The following RANBP2 variants were observed in gnomAD, a reference collection of about 807,000 sequenced individuals.
RANBP2 encodes the protein RAN binding protein 2.
A neutral mutation model predicts 303.6 loss-of-function variants in RANBP2; 57 were observed. The observed-to-expected ratio is 0.19, with a 90% CI of 0.15 to 0.23. The LOEUF (loss-of-function observed/expected upper bound fraction) is 0.23, where lower values mean the gene tolerates loss of function less well. Ranked by LOEUF, RANBP2 falls within the 10% of genes least tolerant of loss-of-function variation. The pLI is 1.00. For missense variants in RANBP2, 3,138 were observed against 3,780.8 expected (o/e 0.83, Z 4.46); for synonymous variants, 1,167 against 1,301.5 (o/e 0.90, Z 2.23).
At chr2:109,451,427 G>A in the RANBP2 span, among the ~76,000 whole-genome samples, 1 of 152,190 alleles carries the variant, frequency 6.6e-6, no homozygotes, top group Non-Finnish European at 1.5e-5. Flanking sequence ...GGCTGTAATA[G>A]TTCCTTAAGC....
At chr2:109,643,485 C>G in the RANBP2 span, among the ~76,000 whole-genome samples, 1 of 152,014 alleles carries the variant, frequency 6.6e-6, no homozygotes, top group Non-Finnish European at 1.5e-5. Flanking sequence ...AAAGGCTGGG[C>G]GCAGCGGCTC....
chr2:109,186,869 T>C, the RANBP2 span, among the ~76,000 whole-genome samples: 2 of 152,194 alleles, frequency 1.3e-5, no homozygotes, highest in South Asian at 4.1e-4. Context: ...TCATTTTCAG[T>C]AAATGTGTGA....
At chr2:109,203,533 G>A in the RANBP2 span, among the ~76,000 whole-genome samples, 1 of 152,130 alleles carries the variant, frequency 6.6e-6, no homozygotes, top group South Asian at 2.1e-4. Flanking sequence ...CTGATCCCAG[G>A]GCATGCATTT....
the RANBP2 span, among the ~76,000 whole-genome samples, chr2:109,699,036 C>A: frequency 6.6e-6 from 1 of 152,180 alleles, no homozygotes; most frequent in Admixed American, 6.5e-5. Flanking sequence ...GGCCTTTGTT[C>A]TAGAGCCACT....
chr2:109,195,828 G>T, the RANBP2 span, among the ~76,000 whole-genome samples: 11 of 152,154 alleles, frequency 7.2e-5, no homozygotes, highest in Non-Finnish European at 1.0e-4. Context: ...CTGCTGATTT[G>T]TGTCGCCTGA....
chr2:109,189,367 C>CT, the RANBP2 span, among the ~76,000 whole-genome samples: 115,652 of 147,936 alleles, frequency 0.78, 45,413 homozygotes, highest in South Asian at 0.85. Flanking sequence ...AGTCGTTTGA[C>CT]TTTTTTTTTT....
At chr2:108,977,004 G>A in the RANBP2 span, among the ~76,000 whole-genome samples, 2 of 152,144 alleles carry the variant, frequency 1.3e-5, no homozygotes, top group African/African-American at 4.8e-5. Context: ...ATGAAAAGGT[G>A]TCTGAGGGTG....
the RANBP2 span, among the ~76,000 whole-genome samples, chr2:108,917,218 C>T: frequency 4.6e-5 from 7 of 152,244 alleles, no homozygotes; most frequent in South Asian, 1.0e-3. Flanking sequence ...AAGCAACGCG[C>T]GGCTCGTGTG....
the RANBP2 span, among the ~76,000 whole-genome samples, chr2:109,063,679 T>C: frequency 6.6e-6 from 1 of 152,114 alleles, no homozygotes; most frequent in Non-Finnish European, 1.5e-5. Context: ...CCCATGCATG[T>C]GCACTACAAA....
At chr2:109,242,066 G>A in the RANBP2 span, among the ~76,000 whole-genome samples, 2 of 151,516 alleles carry the variant, frequency 1.3e-5, no homozygotes, top group Non-Finnish European at 2.9e-5. Flanking sequence ...TGGTGTAGAC[G>A]GGGGTGTCAT....
the RANBP2 span, among the ~76,000 whole-genome samples, chr2:108,855,392 C>A: frequency 6.6e-6 from 1 of 151,724 alleles, no homozygotes; most frequent in Non-Finnish European, 1.5e-5. Flanking sequence ...TAATGTGTGT[C>A]AAATACAGTA....
At chr2:109,671,238 G>A in the RANBP2 span, among the ~76,000 whole-genome samples, 1 of 151,876 alleles carries the variant, frequency 6.6e-6, no homozygotes, top group Non-Finnish European at 1.5e-5. Context: ...CTGTGAGTTG[G>A]TGGTGGTGAC....
chr2:109,088,094 C>T, the RANBP2 span, among the ~76,000 whole-genome samples: 1 of 152,088 alleles, frequency 6.6e-6, no homozygotes, highest in African/African-American at 2.4e-5. Flanking sequence ...GAAACCTCGT[C>T]TCTACTAAAA....
the RANBP2 span, among the ~76,000 whole-genome samples, chr2:109,068,875 T>A: frequency 3.1e-4 from 47 of 152,362 alleles, no homozygotes; most frequent in African/African-American, 9.6e-4. Context: ...CCAGCTATTG[T>A]CATTATGTGG....
At chr2:109,592,665 A>T in the RANBP2 span, among the ~76,000 whole-genome samples, 4 of 150,808 alleles carry the variant, frequency 2.7e-5, no homozygotes, top group Non-Finnish European at 5.9e-5. Flanking sequence ...CTGTGATCCC[A>T]GCTACTCGGG....
the RANBP2 span, chr2:108,907,810 G>A: frequency 5.0e-6 from 8 of 1,608,340 alleles, no homozygotes; most frequent in Middle Eastern, 3.3e-4. Context: ...TCTTGCGGCT[G>A]TGAGGGAGCC....
At chr2:109,420,046 G>A in the RANBP2 span, among the ~76,000 whole-genome samples, 8 of 152,292 alleles carry the variant, frequency 5.3e-5, no homozygotes, top group South Asian at 1.0e-3. Flanking sequence ...CCAACTGCTT[G>A]GAAGTGGTTC....
At chr2:109,223,144 G>T in the RANBP2 span, among the ~76,000 whole-genome samples, 1 of 152,264 alleles carries the variant, frequency 6.6e-6, no homozygotes, top group African/African-American at 2.4e-5. Flanking sequence ...GGATGAGGTT[G>T]CCACCTTCTC....
chr2:109,632,357 T>C, the RANBP2 span, among the ~76,000 whole-genome samples: 1 of 152,202 alleles, frequency 6.6e-6, no homozygotes, highest in Non-Finnish European at 1.5e-5. Context: ...CCTCTGAGAC[T>C]TGTGGCTGGT....
Sources: gnomAD v4.1 joint callset for allele counts (sites outside exome capture counted in the v4.1 genomes callset) on GRCh38, gnomAD v4.1.1 for gene constraint, MANE v1.5 for transcripts, NCBI Gene and HGNC (gene_info 2026-07-23, HGNC 2026-07-21) for gene names.